Variants in GARIN1A observed in about 807,000 individuals in gnomAD.
The protein encoded by GARIN1A is golgi associated RAB2 interactor 1A.
At chr7:128,691,735 C>G in the GARIN1A span, 1 of 152,272 alleles carries the variant, frequency 6.6e-6, no homozygotes, top group Non-Finnish European at 1.5e-5. Context: ...ACCCTGAGTT[C>G]TTCTTGTACC....
At chr7:128,679,057 T>C in the GARIN1A span, among the ~76,000 whole-genome samples, 1 of 132,338 alleles carries the variant, frequency 7.6e-6, no homozygotes, top group Admixed American at 7.2e-5. Flanking sequence ...TACATTGTTA[T>C]GTATTTGTAG....
chr7:128,680,054 C>A, the GARIN1A span: 2 of 1,572,584 alleles, frequency 1.3e-6, no homozygotes, highest in East Asian at 2.3e-5. Context: ...TCCTGTCATC[C>A]CCCCAGCCCA....
At chr7:128,677,745 A>G in the GARIN1A span, 1 of 1,613,854 alleles carries the variant, frequency 6.2e-7, no homozygotes, top group Non-Finnish European at 8.5e-7. Context: ...CATCACCACC[A>G]AAGACCCGAG....
At chr7:128,695,085 C>G in the GARIN1A span, among the ~76,000 whole-genome samples, 1 of 152,222 alleles carries the variant, frequency 6.6e-6, no homozygotes. The surrounding 1 kb of genome is among the most constrained non-coding windows in gnomAD (Gnocchi z 4.5). Context: ...TTCACTATGT[C>G]TAACCTTTAA....
chr7:128,707,392 C>G, the GARIN1A span, among the ~76,000 whole-genome samples: 1 of 152,036 alleles, frequency 6.6e-6, no homozygotes, highest in Middle Eastern at 3.2e-3. Context: ...ACTCTTTGAC[C>G]ATCATCTCCT....
chr7:128,698,320 C>T, the GARIN1A span, among the ~76,000 whole-genome samples: 1 of 152,130 alleles, frequency 6.6e-6, no homozygotes, highest in Non-Finnish European at 1.5e-5. Context: ...GGGGCTGCTT[C>T]TCTAGGCTCC....
the GARIN1A span, chr7:128,683,240 A>C: frequency 8.8e-7 from 1 of 1,141,540 alleles, no homozygotes. Context: ...CTGTGAGCCA[A>C]GTGACCTTGG....
At chr7:128,671,657 A>G in the GARIN1A span, among the ~76,000 whole-genome samples, 2 of 151,752 alleles carry the variant, frequency 1.3e-5, no homozygotes, top group Admixed American at 1.3e-4. Flanking sequence ...AAAAAAAAAA[A>G]AAAAAAGTTT....
At chr7:128,686,044 C>G in the GARIN1A span, 2 of 152,142 alleles carry the variant, frequency 1.3e-5, no homozygotes, top group African/African-American at 2.4e-5. Context: ...GAAACCCCAT[C>G]TCTACTAAAA....
the GARIN1A span, among the ~76,000 whole-genome samples, chr7:128,689,918 CT>C: frequency 6.6e-6 from 1 of 152,176 alleles, no homozygotes; most frequent in Non-Finnish European, 1.5e-5. Context: ...TACCCAACAG[CT>C]CATTGAGAAC....
the GARIN1A span, among the ~76,000 whole-genome samples, chr7:128,675,165 T>C: frequency 2.0e-5 from 3 of 152,142 alleles, no homozygotes; most frequent in South Asian, 6.2e-4. Flanking sequence ...TTCAAGAGAA[T>C]AGGTCCTCAT....
chr7:128,675,818 C>T, the GARIN1A span: 1 of 1,613,814 alleles, frequency 6.2e-7, no homozygotes, highest in Non-Finnish European at 8.5e-7. Context: ...CATTTACCAC[C>T]TGGAGCACAC....
chr7:128,689,641 C>T, the GARIN1A span, among the ~76,000 whole-genome samples: 6 of 143,106 alleles, frequency 4.2e-5, 1 homozygote, highest in African/African-American at 1.5e-4. Flanking sequence ...GCCCGGCAGC[C>T]ACCCCGTCTG....
the GARIN1A span, chr7:128,675,907 T>C: frequency 1.5e-6 from 2 of 1,349,394 alleles, no homozygotes; most frequent in Non-Finnish European, 2.1e-6. Context: ...TTGACTGGGA[T>C]ATGCATTGCT....
At chr7:128,674,213 G>A in the GARIN1A span, among the ~76,000 whole-genome samples, 3 of 152,176 alleles carry the variant, frequency 2.0e-5, no homozygotes, top group Non-Finnish European at 4.4e-5. Flanking sequence ...TGGACACTAA[G>A]TGACCTGGGT....
chr7:128,701,813 G>A, the GARIN1A span, among the ~76,000 whole-genome samples: 1 of 152,020 alleles, frequency 6.6e-6, no homozygotes, highest in African/African-American at 2.4e-5. Flanking sequence ...CTGATACATT[G>A]GTTCTTTGGA....
At chr7:128,691,758 C>T in the GARIN1A span, 1 of 152,288 alleles carries the variant, frequency 6.6e-6, no homozygotes, top group Non-Finnish European at 1.5e-5. Flanking sequence ...GTCCAAGAAC[C>T]CTCTCTTGGG....
chr7:128,672,265 T>C, the GARIN1A span: 1 of 690,374 alleles, frequency 1.4e-6, no homozygotes, highest in Non-Finnish European at 2.4e-6. Flanking sequence ...CTCCCAGCCC[T>C]GGTGGACAGC....
the GARIN1A span, chr7:128,687,354 G>A: frequency 6.6e-6 from 1 of 152,192 alleles, no homozygotes; most frequent in Non-Finnish European, 1.5e-5. Flanking sequence ...AAACCAAAAG[G>A]AATTCATTGG....
Sources: allele counts gnomAD v4.1 joint callset (sites outside exome capture counted in the v4.1 genomes callset), GRCh38; gene constraint gnomAD v4.1.1; non-coding constraint Gnocchi (gnomAD v3.1); transcripts MANE v1.5; gene names NCBI Gene and HGNC (gene_info 2026-07-23, HGNC 2026-07-21).